DSCAML1: variants seen among roughly 807,000 people sequenced by gnomAD.
DSCAML1 encodes the protein cell adhesion molecule DSCAML1.
In DSCAML1, 38 loss-of-function variants were observed where a neutral mutation model predicts 200.5. The observed-to-expected ratio is 0.19, with a 90% CI of 0.15 to 0.25. The LOEUF (loss-of-function observed/expected upper bound fraction) is 0.25. DSCAML1 is among the 10% of genes least tolerant of loss of function. The probability of loss-of-function intolerance (pLI) is 1.00; values close to 1 mark genes in which losing one functional copy is unlikely to be tolerated. For synonymous variants in DSCAML1, 1,215 were observed against 1,165.0 expected (o/e 1.04, Z -0.87); for missense variants, 2,223 against 2,858.8 (o/e 0.78, Z 5.07).
intron 3 of DSCAML1, among the ~76,000 whole-genome samples, chr11:117,680,942 G>A (rs1373917933): frequency 6.6e-6 from 1 of 152,224 alleles, no homozygotes; most frequent in Non-Finnish European, 1.5e-5. Flanking sequence ...AAGCCCAAGG[G>A]TGGCAAGTTA....
chr11:117,583,469 G>A (rs751686890), intron 3 of DSCAML1, among the ~76,000 whole-genome samples: 1 of 152,192 alleles, frequency 6.6e-6, no homozygotes, highest in Admixed American at 6.5e-5. Context: ...CTGAACGCCT[G>A]CCAGCCTTCT....
rs113877995 is a variant in DSCAML1 at position 117,789,362 on chromosome 11, A to G, written c.46+7672T>C. Among the ~76,000 whole-genome samples the G allele has an allele frequency of 4.1e-3, 626 of 152,328 alleles. 6 individuals are homozygous for G. The highest frequency in any genetic ancestry group is 0.015 in the African/African-American group (605 of 41,578). On this transcript the variant is annotated intron_variant, in intron 1 of 32. Coordinates refer to ENST00000651296, the MANE Select transcript of DSCAML1 (RefSeq NM_020693.4). ...GGCCAAAATTTCTTTCCAGGGAGTCAGCTCAGACAGCACAGTTGTCCCCAG... is the reference window on the plus strand; with the variant it reads ...GGCCAAAATTTCTTTCCAGGGAGTCGGCTCAGACAGCACAGTTGTCCCCAG...
intron 11 of DSCAML1, among the ~76,000 whole-genome samples, chr11:117,488,772 C>CCA (rs886682757): frequency 4.6e-5 from 7 of 152,186 alleles, no homozygotes; most frequent in Non-Finnish European, 8.8e-5. Flanking sequence ...CAGGCTCTCT[C>CCA]CACACACACA....
intron 1 of DSCAML1, among the ~76,000 whole-genome samples, chr11:117,811,616 C>T (rs978970145): frequency 1.3e-5 from 2 of 152,218 alleles, no homozygotes; most frequent in African/African-American, 4.8e-5. Context: ...TCCTCCTAAG[C>T]CGTGTCCCAT....
At chr11:117,511,801 G>A (rs1041875446) in intron 8 of DSCAML1, among the ~76,000 whole-genome samples, 5 of 152,240 alleles carry the variant, frequency 3.3e-5, no homozygotes, top group South Asian at 2.1e-4. Context: ...ACACACTTGC[G>A]TATGTGTAAC....
intron 3 of DSCAML1, among the ~76,000 whole-genome samples, chr11:117,651,185 A>G (rs1292819325): frequency 1.3e-5 from 2 of 152,354 alleles, no homozygotes; most frequent in South Asian, 2.1e-4. Flanking sequence ...GCCTCTGTCC[A>G]TGGCTACTGG....
At chr11:117,586,923 G>A (rs980829849) in intron 3 of DSCAML1, among the ~76,000 whole-genome samples, 1 of 152,216 alleles carries the variant, frequency 6.6e-6, no homozygotes, top group African/African-American at 2.4e-5. Flanking sequence ...TGGCTTTTCT[G>A]GAGTGGAGTG....
At chr11:117,429,865 C>T (rs1227188136) in intron 32 of DSCAML1, among the ~76,000 whole-genome samples, 1 of 152,228 alleles carries the variant, frequency 6.6e-6, no homozygotes, top group East Asian at 1.9e-4. Context: ...CCTGTCTGCA[C>T]TTTACAAGTG....
At chr11:117,712,448 T>C (rs2053866445) in intron 3 of DSCAML1, among the ~76,000 whole-genome samples, 1 of 152,146 alleles carries the variant, frequency 6.6e-6, no homozygotes, top group Admixed American at 6.5e-5. Flanking sequence ...ACCAAATTTC[T>C]ATATTCATAG....
chr11:117,463,995 A>G lies in DSCAML1; in HGVS notation c.3265+947T>C, dbSNP rs2048530974. 6.6e-6 allele frequency among the ~76,000 whole-genome samples: 1 copy of G among 152,160 alleles called. No homozygotes were observed. The highest frequency in any genetic ancestry group is 2.4e-5 in the African/African-American group (1 of 41,446). On this transcript the variant is annotated intron_variant, in intron 17 of 32. Coordinates refer to ENST00000651296, the MANE Select transcript of DSCAML1 (RefSeq NM_020693.4). This position sits in a 1 kb window ranked among gnomAD's most constrained non-coding sequence, Gnocchi z 4.0. The stretch of plus-strand genomic sequence containing the variant: ...GTGTCCACCATCCCCAGGGTGCTGC[A>G]TTTTCAGAGAGGATGAGCTAGGAGG...
intron 19 of DSCAML1, among the ~76,000 whole-genome samples, chr11:117,455,435 T>C (rs2048353175): frequency 6.6e-6 from 1 of 152,158 alleles, no homozygotes; most frequent in Non-Finnish European, 1.5e-5. Context: ...GTCTTTAAAG[T>C]GGTTTAAAAT....
At position 117,778,113 on chromosome 11, in the gene DSCAML1, C is replaced by G. The variant is rs541251334; in HGVS notation, c.365-1176G>C. Among the ~76,000 whole-genome samples the G allele has an allele frequency of 2.6e-4, 40 of 152,368 alleles. No homozygotes were observed. In the South Asian group the frequency reaches 7.7e-3, roughly 29 times the overall value. On this transcript the variant is annotated intron_variant, in intron 2 of 32. Transcript: ENST00000651296. ...TCTCTTAATTGACTGTGTTTCCAGT[C>G]AGCCTGGCTCTTCCCGGCCCTCCCT...
intron 3 of DSCAML1, among the ~76,000 whole-genome samples, chr11:117,543,733 G>C (rs1298208927): frequency 6.6e-6 from 1 of 152,048 alleles, no homozygotes; most frequent in Non-Finnish European, 1.5e-5. Flanking sequence ...GAGTTCTTCT[G>C]TGGTGTCCAT....
chr11:117,501,727 G>A (rs61289983), intron 11 of DSCAML1, among the ~76,000 whole-genome samples: 9 of 152,316 alleles, frequency 5.9e-5, no homozygotes, highest in African/African-American at 2.2e-4. Context: ...ATGAGTGGGT[G>A]TTGAGAGGTT....
In DSCAML1 at chr11:117,480,605, G is replaced by A. The variant is rs774454463; in HGVS notation, c.2657-34C>T. 2 of 1,549,672 alleles carry A rather than the reference G, an allele frequency of 1.3e-6. No homozygotes were observed. The highest frequency in any genetic ancestry group is 1.4e-5 in the African/African-American group (1 of 73,036). On this transcript the variant is annotated intron_variant, in intron 13 of 32. Coordinates refer to ENST00000651296, the MANE Select transcript of DSCAML1 (RefSeq NM_020693.4). The surrounding 1 kb of genome is among the most constrained non-coding windows in gnomAD (Gnocchi z 4.1). ...CGGCAGTGGAGGGGAGGGAAGTGAGGAGGGCAGCAGGGAGCTTGGCCTCCT... is the reference window on the plus strand; with the variant it reads ...CGGCAGTGGAGGGGAGGGAAGTGAGAAGGGCAGCAGGGAGCTTGGCCTCCT...
chr11:117,677,521 G>T (rs543863870), intron 3 of DSCAML1, among the ~76,000 whole-genome samples: 1 of 152,060 alleles, frequency 6.6e-6, no homozygotes, highest in Admixed American at 6.5e-5. Context: ...TGGGGCGGGA[G>T]AATGAGGCAT....
chr11:117,515,610 CTTTTTTTTTTTT>C (rs56765238), intron 8 of DSCAML1, among the ~76,000 whole-genome samples: 4 of 65,122 alleles, frequency 6.1e-5, no homozygotes, highest in African/African-American at 8.4e-5. Context: ...AGGGACGAAG[CTTTTTTTTTTTT>C]TTTTTTTTTT....
chr11:117,681,810 A>G (rs2053317945), intron 3 of DSCAML1, among the ~76,000 whole-genome samples: 1 of 152,138 alleles, frequency 6.6e-6, no homozygotes, highest in South Asian at 2.1e-4. Flanking sequence ...CTCCTAAGGC[A>G]CTGGGCAGAA....
At chr11:117,575,349 G>A (rs1439844374) in intron 3 of DSCAML1, among the ~76,000 whole-genome samples, 2 of 152,198 alleles carry the variant, frequency 1.3e-5, no homozygotes, top group East Asian at 1.9e-4. Context: ...ATGGGGTGAG[G>A]TAGGGAGTTG....
Sources: gnomAD v4.1 joint callset for allele counts (sites outside exome capture counted in the v4.1 genomes callset) on GRCh38, gnomAD v4.1.1 for gene constraint, Gnocchi (gnomAD v3.1) non-coding constraint, MANE v1.5 for transcripts, NCBI Gene and HGNC (gene_info 2026-07-23, HGNC 2026-07-21) for gene names.